XPOT: variants seen among roughly 807,000 people sequenced by gnomAD.
The protein encoded by XPOT is exportin for tRNA.
Under a neutral mutation model 128.2 loss-of-function variants are expected in XPOT, and 34 were observed. That is an observed-to-expected ratio of 0.27 (90% CI 0.20 to 0.35). The LOEUF (loss-of-function observed/expected upper bound fraction) is 0.35. Ranked by LOEUF, XPOT falls within the 10% of genes least tolerant of loss-of-function variation. The pLI, the probability that XPOT is intolerant of heterozygous loss-of-function variation, is 1.00. For synonymous variants in XPOT, 348 were observed against 394.3 expected, an observed-to-expected ratio of 0.88 and a Z score of 1.39; for missense variants, 838 against 1,125.3, an observed-to-expected ratio of 0.74 and a Z score of 3.65.
Position 64,433,576 on chromosome 12 carries a change from G to A in XPOT, c.2425G>A (p.Gly809Arg). ...FAFLQTVTGSGMSEVIANQGA... is the reference protein window; with the variant it reads ...FAFLQTVTGSRMSEVIANQGA... ...TTTCCTGCAAACAGTCACAGGCAGT[G>A]GGATGAGCGAAGTTATAGCAAATCA... Residue 809 changes from glycine to arginine, a missense_variant, in exon 19 of 25, where the codon GGG becomes AGG. Gly to Arg is a moderately radical substitution (Grantham distance 125). Coordinates refer to ENST00000332707, the MANE Select transcript of XPOT (RefSeq NM_007235.6). The A allele has an allele frequency of 1.2e-6, 2 of 1,607,336 alleles. No individual in the cohort carries two copies. The highest frequency in any genetic ancestry group is 1.7e-6 in the Non-Finnish European group (2 of 1,176,074).
intron 10 of XPOT, 45 bp from the exon 11 acceptor site, chr12:64,423,137 G>C: frequency 6.3e-7 from 1 of 1,591,812 alleles, no homozygotes; most frequent in East Asian, 2.2e-5. Flanking sequence ...TATCAAATTA[G>C]AAGGAGACTG....
In XPOT at chr12:64,427,345, T is replaced by C. The variant is rs1298138364; in HGVS notation, c.1668-706T>C. 2.6e-5 allele frequency among the ~76,000 whole-genome samples: 4 copies of C among 152,162 alleles called. No individual in the cohort carries two copies. In the East Asian group the frequency reaches 7.8e-4, roughly 30 times the overall value. On this transcript the variant is annotated intron_variant, in intron 15 of 24. Transcript: ENST00000332707. ...CATGTTGGTCAGGCTGGCCTTGAAC[T>C]CCTGACCTGAGATGATCCACCCTCT...
chr12:64,413,464 G>A (rs1001851010), intron 2 of XPOT, among the ~76,000 whole-genome samples: 1 of 152,178 alleles, frequency 6.6e-6, no homozygotes, highest in African/African-American at 2.4e-5. Context: ...CTGTCGCTCA[G>A]GAAATTTTCC....
intron 2 of XPOT, among the ~76,000 whole-genome samples, chr12:64,414,178 A>G (rs896923422): frequency 4.6e-5 from 7 of 152,130 alleles, no homozygotes; most frequent in African/African-American, 1.7e-4. Flanking sequence ...CATTTTCCCA[A>G]CAGTTTGGTA....
intron 9 of XPOT, 33 bp downstream of exon 9, chr12:64,421,504 C>G (rs2040138263): frequency 6.9e-7 from 1 of 1,451,838 alleles, no homozygotes; most frequent in Admixed American, 1.7e-5. Flanking sequence ...TTGCTCAATA[C>G]ATAATACAAA....
At chr12:64,405,915 C>T (rs1414366755) in intron 1 of XPOT, among the ~76,000 whole-genome samples, 2 of 151,922 alleles carry the variant, frequency 1.3e-5, no homozygotes, top group African/African-American at 2.4e-5. Context: ...CGCGCCCGGC[C>T]TTCCACTGCA....
intron 2 of XPOT, among the ~76,000 whole-genome samples, chr12:64,412,344 A>G (rs986684316): frequency 1.3e-5 from 2 of 152,198 alleles, no homozygotes; most frequent in African/African-American, 4.8e-5. Flanking sequence ...TTAAAAAATA[A>G]AACACTCGTC....
At chr12:64,426,449 C>A (rs755158611) in intron 15 of XPOT, among the ~76,000 whole-genome samples, 9 of 151,922 alleles carry the variant, frequency 5.9e-5, no homozygotes, top group Non-Finnish European at 1.2e-4. Context: ...AACAAAAAAA[C>A]AAATGCCACA....
rs756243666 is a variant in XPOT at position 64,425,427 on chromosome 12, A to G, written c.1542A>G (p.Thr514=). 1.9e-6 allele frequency: 3 copies of G among 1,613,990 alleles called. No homozygotes were observed. The highest frequency in any genetic ancestry group is 1.1e-5 in the South Asian group (1 of 91,076). The stretch of plus-strand genomic sequence containing the variant: ...TTGTTAGATATGAAAAGTTTTTCAC[A>G]GTTGAACCTCAGCACATTCCATGTG... The part of the protein sequence containing the change: ...ETVVRYEKFF[T]VEPQHIPCVL... Residue 514 remains threonine (T), a synonymous_variant, in exon 14 of 25, where the codon ACA becomes ACG. Coordinates refer to ENST00000332707, the MANE Select transcript of XPOT (RefSeq NM_007235.6).
In XPOT at chr12:64,419,747, TC is replaced by T. The variant is rs750381656; in HGVS notation, c.490-321del. Among the ~76,000 whole-genome samples the T allele has an allele frequency of 5.9e-5, 9 of 152,382 alleles. No homozygotes were observed. In the East Asian group the frequency reaches 9.6e-4, roughly 16 times the overall value. ...AGGAAGAAGCATTGCTTAGGAGTTG[TC>T]CGTGTTGCTACTTCTGTATTCTTCA... On this transcript the variant is annotated intron_variant, in intron 6 of 24. Coordinates refer to ENST00000332707, the MANE Select transcript of XPOT (RefSeq NM_007235.6).
chr12:64,409,811 TCTAA>T (rs1417214466), intron 1 of XPOT, 147 bp from the exon 2 acceptor site: 46 of 521,276 alleles, frequency 8.8e-5, no homozygotes, highest in Non-Finnish European at 1.5e-4. Context: ...AGAATTAGGC[TCTAA>T]CTTTTAGTTG....
Position 64,420,268 on chromosome 12 carries a change from T to G in XPOT, c.674+14T>G. On this transcript the variant is annotated intron_variant, in intron 7 of 24. Coordinates refer to ENST00000332707, the MANE Select transcript of XPOT (RefSeq NM_007235.6). ...AGCCAATGATAGGTAAGTATGCCTATTATTTTTATAGTATAAACTTGTAAA... is the reference window on the plus strand; with the variant it reads ...AGCCAATGATAGGTAAGTATGCCTAGTATTTTTATAGTATAAACTTGTAAA... 2 of 1,587,488 alleles carry G rather than the reference T, an allele frequency of 1.3e-6. No individual in the cohort carries two copies. The highest frequency in any genetic ancestry group is 4.5e-5 in the East Asian group (2 of 44,724).
At chr12:64,433,669 C>T in intron 19 of XPOT, 66 bp downstream of exon 19, 1 of 1,399,686 alleles carries the variant, frequency 7.1e-7, no homozygotes. Context: ...ATCTATATGA[C>T]CAAGAGCAAA....
intron 3 of XPOT, among the ~76,000 whole-genome samples, chr12:64,416,129 G>T (rs1324592019): frequency 6.6e-6 from 1 of 152,216 alleles, no homozygotes; most frequent in African/African-American, 2.4e-5. Flanking sequence ...TGGGTAATTG[G>T]TGTGTTGACT....
At position 64,421,223 on chromosome 12, in the gene XPOT, G is replaced by A. The variant is rs2040135660; in HGVS notation, c.844-12G>A. On this transcript the variant is annotated splice_polypyrimidine_tract_variant and intron_variant, in intron 8 of 24. Coordinates refer to ENST00000332707, the MANE Select transcript of XPOT (RefSeq NM_007235.6). ...GCAGTTTTAAACAGAGATGTGTCTT[G>A]ATTGCTTATAGGAAGAAGATGTTGA... 8.7e-6 allele frequency: 14 copies of A among 1,601,964 alleles called. No homozygotes were observed. Among genetic ancestry groups the A allele is most frequent in the Non-Finnish European group, 1.1e-5 (13 of 1,169,332 alleles).
At chr12:64,438,808 T>C (rs560944858) in intron 22 of XPOT, among the ~76,000 whole-genome samples, 86 of 152,132 alleles carry the variant, frequency 5.7e-4, no homozygotes, top group African/African-American at 2.0e-3. Context: ...TTTTGTATTT[T>C]TGGTAGAAAC....
Position 64,418,028 on chromosome 12 carries a change from C to T in XPOT, c.201-18C>T. 2 of 1,590,858 alleles carry T rather than the reference C, an allele frequency of 1.3e-6. No homozygotes were observed. Among genetic ancestry groups the T allele is most frequent in the Non-Finnish European group, 1.7e-6 (2 of 1,168,140 alleles). On this transcript the variant is annotated intron_variant, in intron 4 of 24. Transcript: ENST00000332707. The stretch of plus-strand genomic sequence containing the variant: ...ACCAAATATAGCCATTATTCTTTTT[C>T]TTCTCTATTTTGAACAGATACTCAG...
At chr12:64,436,703 C>G (rs1204994217) in intron 22 of XPOT, among the ~76,000 whole-genome samples, 1 of 151,422 alleles carries the variant, frequency 6.6e-6, no homozygotes, top group East Asian at 2.0e-4. Context: ...ACTTCAGCCT[C>G]CTGAATAGCT....
rs2040241133 is a variant in XPOT at position 64,431,826 on chromosome 12, A to C, written c.2262+3A>C. 2 of 1,608,210 alleles carry C rather than the reference A, an allele frequency of 1.2e-6. No homozygotes were observed. The highest frequency in any genetic ancestry group is 2.2e-5 in the East Asian group (1 of 44,788). On this transcript the variant is annotated splice_donor_region_variant and intron_variant, in intron 18 of 24. Coordinates refer to ENST00000332707, the MANE Select transcript of XPOT (RefSeq NM_007235.6). ...ACCAGATTACGGCCAAATTCAAGGT[A>C]CCGCAAACTTTCAGAGCTCTGAAAA...
Sources: gnomAD v4.1 joint callset for allele counts (sites outside exome capture counted in the v4.1 genomes callset) on GRCh38, gnomAD v4.1.1 for gene constraint, MANE v1.5 for transcripts, NCBI Gene and HGNC (gene_info 2026-07-23, HGNC 2026-07-21) for gene names.